CDH4: variants seen among roughly 807,000 people sequenced by gnomAD.
The protein encoded by CDH4 is cadherin-4.
A neutral mutation model predicts 86.0 loss-of-function variants in CDH4; 33 were observed. The observed-to-expected ratio is 0.38, with a 90% confidence interval of 0.29 to 0.51. CDH4 has a LOEUF of 0.51. Ranked by LOEUF, CDH4 falls within the 20% of genes least tolerant of loss-of-function variation. CDH4 has a pLI of 0.86. For synonymous variants in CDH4, 555 were observed against 549.4 expected, an observed-to-expected ratio of 1.01 and a Z score of -0.14; for missense variants, 1,114 against 1,307.4, an observed-to-expected ratio of 0.85 and a Z score of 2.28.
intron 4 of CDH4, among the ~76,000 whole-genome samples, chr20:61,813,733 C>T (rs577042827): frequency 2.9e-4 from 44 of 152,240 alleles, no homozygotes; most frequent in Non-Finnish European, 5.6e-4. Context: ...ATTTTCTCAC[C>T]TTGTTCCCTT....
intron 2 of CDH4, among the ~76,000 whole-genome samples, chr20:61,352,796 G>A (rs1196494413): frequency 2.0e-5 from 3 of 152,036 alleles, no homozygotes; most frequent in African/African-American, 7.2e-5. Flanking sequence ...GCCGTCTGCC[G>A]CTTGCTGGTT....
chr20:61,620,005 T>C (rs910459713), intron 2 of CDH4, among the ~76,000 whole-genome samples: 1 of 152,098 alleles, frequency 6.6e-6, no homozygotes, highest in Admixed American at 6.6e-5. Context: ...CTACAGCTGG[T>C]AATGGGCCCA....
At chr20:61,321,482 T>G (rs1029187781) in intron 2 of CDH4, among the ~76,000 whole-genome samples, 5 of 151,946 alleles carry the variant, frequency 3.3e-5, no homozygotes, top group Admixed American at 6.6e-5. Flanking sequence ...CATTTCACAT[T>G]GTGTGTGTGT....
intron 2 of CDH4, among the ~76,000 whole-genome samples, chr20:61,272,550 T>C (rs931346771): frequency 6.6e-6 from 1 of 152,230 alleles, no homozygotes; most frequent in Non-Finnish European, 1.5e-5. Context: ...TCAAAACTTT[T>C]GTTGCTGGAA....
At chr20:61,660,197 C>T (rs1353450932) in intron 2 of CDH4, among the ~76,000 whole-genome samples, 1 of 152,328 alleles carries the variant, frequency 6.6e-6, no homozygotes. Context: ...CAGCAGCCCC[C>T]ATGGGAGCCA....
intron 2 of CDH4, among the ~76,000 whole-genome samples, chr20:61,500,949 T>A (rs1486849542): frequency 6.6e-6 from 1 of 152,184 alleles, no homozygotes; most frequent in African/African-American, 2.4e-5. Context: ...AGCACTCAGC[T>A]CTCTTTGCAG....
At chr20:61,368,973 A>G (rs2084825112) in intron 2 of CDH4, among the ~76,000 whole-genome samples, 1 of 152,222 alleles carries the variant, frequency 6.6e-6, no homozygotes, top group Non-Finnish European at 1.5e-5. Flanking sequence ...TATATCCCTG[A>G]AAATCCCGAA....
At chr20:61,870,628 G>T (rs1332629492) in intron 6 of CDH4, among the ~76,000 whole-genome samples, 1 of 152,162 alleles carries the variant, frequency 6.6e-6, no homozygotes, top group Non-Finnish European at 1.5e-5. Context: ...AAAATGCCGG[G>T]GGCCACGGGT....
chr20:61,546,130 GGGA>G (rs1267947188), intron 2 of CDH4, among the ~76,000 whole-genome samples: 13 of 147,512 alleles, frequency 8.8e-5, no homozygotes, highest in South Asian at 2.2e-4. Flanking sequence ...GGGGGTATGT[GGGA>G]TACGGTATTT....
chr20:61,585,038 G>T (rs1288346755), intron 2 of CDH4, among the ~76,000 whole-genome samples: 1 of 152,246 alleles, frequency 6.6e-6, no homozygotes, highest in South Asian at 2.1e-4. Flanking sequence ...GAGCTCGCCA[G>T]GCCTGGCTTC....
chr20:61,413,001 G>A (rs911025494), intron 2 of CDH4, among the ~76,000 whole-genome samples: 1 of 152,164 alleles, frequency 6.6e-6, no homozygotes, highest in Non-Finnish European at 1.5e-5. Context: ...CTGCCTCTGC[G>A]AAATAGTCCA....
chr20:61,265,145 A>G (rs2084150453), intron 2 of CDH4, among the ~76,000 whole-genome samples: 2 of 142,212 alleles, frequency 1.4e-5, no homozygotes, highest in African/African-American at 5.4e-5. Flanking sequence ...AGTCCTACAC[A>G]TAACTCAGTG....
At chr20:61,932,038 C>G (rs2055117050) in intron 13 of CDH4, among the ~76,000 whole-genome samples, 1 of 152,156 alleles carries the variant, frequency 6.6e-6, no homozygotes, top group Non-Finnish European at 1.5e-5. Context: ...TGGATCCCCT[C>G]TCTGGGCCCC....
chr20:61,812,658 T>C (rs145075656), intron 4 of CDH4, among the ~76,000 whole-genome samples: 47 of 152,356 alleles, frequency 3.1e-4, no homozygotes, highest in African/African-American at 1.1e-3. Context: ...AGATATTAAC[T>C]GCAGTTATGT....
intron 2 of CDH4, among the ~76,000 whole-genome samples, chr20:61,712,504 G>A (rs2087904218): frequency 6.6e-6 from 1 of 152,126 alleles, no homozygotes; most frequent in South Asian, 2.1e-4. Flanking sequence ...AGGTGCATGG[G>A]AAGGTGCCAG....
chr20:61,561,178 C>T (rs769583508), intron 2 of CDH4, among the ~76,000 whole-genome samples: 37 of 152,174 alleles, frequency 2.4e-4, no homozygotes, highest in African/African-American at 5.1e-4. Context: ...TATCTCTTTT[C>T]GCCATTGTGG....
chr20:61,701,225 A>C (rs2087772612), intron 2 of CDH4, among the ~76,000 whole-genome samples: 1 of 152,100 alleles, frequency 6.6e-6, no homozygotes, highest in Non-Finnish European at 1.5e-5. Context: ...CAGGATTGGG[A>C]CCCACCTTAC....
At chr20:61,535,261 C>T (rs1297549550) in intron 2 of CDH4, among the ~76,000 whole-genome samples, 2 of 152,204 alleles carry the variant, frequency 1.3e-5, no homozygotes, top group African/African-American at 2.4e-5. Flanking sequence ...CCAGTAGTCT[C>T]GACTGGTTCC....
chr20:61,398,200 G>A (rs1177738957), intron 2 of CDH4, among the ~76,000 whole-genome samples: 2 of 152,176 alleles, frequency 1.3e-5, no homozygotes, highest in African/African-American at 2.4e-5. Context: ...AAAGATTTCC[G>A]GCTTTAAATA....
Sources: allele counts gnomAD v4.1 joint callset (sites outside exome capture counted in the v4.1 genomes callset), GRCh38; gene constraint gnomAD v4.1.1; transcripts MANE v1.5; gene names NCBI Gene and HGNC (gene_info 2026-07-23, HGNC 2026-07-21).